TBCD: variants seen among roughly 807,000 people sequenced by gnomAD.
TBCD encodes tubulin folding cofactor D, also known as tubulin-specific chaperone D.
A neutral mutation model predicts 169.3 loss-of-function variants in TBCD; 105 were observed. The ratio of observed to expected loss-of-function variants is 0.62; its 90% CI spans 0.53 to 0.73. TBCD has a LOEUF of 0.73. Ranked by LOEUF, TBCD falls within the 30% of genes least tolerant of loss-of-function variation. TBCD has a pLI of 0.00. For synonymous variants in TBCD, 700 were observed against 643.9 expected (o/e 1.09, Z -1.32); for missense variants, 1,444 against 1,600.1 (o/e 0.90, Z 1.66).
chr17:82,812,508 C>T (rs188273625), intron 12 of TBCD, among the ~76,000 whole-genome samples: 9 of 152,322 alleles, frequency 5.9e-5, no homozygotes, highest in African/African-American at 1.4e-4. Flanking sequence ...CGCATCCCTC[C>T]GGGGACTGAT....
Position 82,884,515 on chromosome 17 carries a change from C to T in TBCD, c.1533+313C>T, listed in dbSNP as rs1054861244. On this transcript the variant is annotated intron_variant, in intron 15 of 38. Transcript: ENST00000355528. This position sits in a 1 kb window ranked among gnomAD's most constrained non-coding sequence, Gnocchi z 4.2. ...GGTGCAGGCAGCTGCACGCTGAAGA[C>T]GCAGAAGAGAGTGGGTTCTGCGAGG... 8.5e-5 allele frequency among the ~76,000 whole-genome samples: 13 copies of T among 152,118 alleles called. No individual in the cohort carries two copies. The highest frequency in any genetic ancestry group is 2.2e-4 in the African/African-American group (9 of 41,398).
At chr17:82,856,842 C>T (rs1486985182) in intron 13 of TBCD, among the ~76,000 whole-genome samples, 2 of 138,702 alleles carry the variant, frequency 1.4e-5, no homozygotes, top group African/African-American at 2.8e-5. Context: ...ACCCTCGGTG[C>T]GCATCCAGGG....
chr17:82,864,326 T>C lies in TBCD; in HGVS notation c.1319-5898T>C, dbSNP rs1473612802. ...CTGCGGGTGCCCAGCCTGTGGGGCT[T>C]CCTCATCGCCCCCATCCAGGCAGAT... On this transcript the variant is annotated intron_variant, in intron 13 of 38. Transcript: ENST00000355528. The surrounding 1 kb of genome is among the most constrained non-coding windows in gnomAD (Gnocchi z 6.3). The C allele has an allele frequency of 6.6e-6, 1 of 152,244 alleles. No individual in the cohort carries two copies. Among genetic ancestry groups the C allele is most frequent in the Non-Finnish European group, 1.5e-5 (1 of 68,048 alleles). 9.4% of individuals were successfully genotyped at this position (152,244 alleles called of 1,614,324 possible).
In TBCD at chr17:82,810,849, G is replaced by A. The variant is rs554132381; in HGVS notation, c.1223+1067G>A. 3.9e-5 allele frequency among the ~76,000 whole-genome samples: 6 copies of A among 152,300 alleles called. No homozygotes were observed. The South Asian group carries it at 6.2e-4, about 16-fold the overall frequency. ...CCTGTCAGTCACCAGGGACAGCTCCGGAGCCGTTCACAAAGCCTTGTTTTC... is the reference window on the plus strand; with the variant it reads ...CCTGTCAGTCACCAGGGACAGCTCCAGAGCCGTTCACAAAGCCTTGTTTTC... On this transcript the variant is annotated intron_variant, in intron 12 of 38. Transcript: ENST00000355528.
At chr17:82,797,682 T>C in intron 7 of TBCD, 75 bp from the exon 8 acceptor site, 1 of 1,143,546 alleles carries the variant, frequency 8.7e-7, no homozygotes, top group Non-Finnish European at 1.2e-6. Context: ...TGATGAATTG[T>C]TTTCACAATT....
intron 13 of TBCD, among the ~76,000 whole-genome samples, chr17:82,844,623 G>A (rs907779087): frequency 1.4e-4 from 21 of 152,160 alleles, no homozygotes; most frequent in Admixed American, 1.3e-4. Context: ...AGGCTCCTCC[G>A]TGGTCCTGGT....
rs373829860 is a variant in TBCD, at chr17:82,887,877, G to A, written c.1534-1791G>A. Among the ~76,000 whole-genome samples, 36 of 152,274 alleles carry A rather than the reference G, an allele frequency of 2.4e-4. No homozygotes were observed. The East Asian group carries it at 4.6e-3, about 20-fold the overall frequency. ...AGCATCTTTCACGGGCTTACTTGCC[G>A]TCTGTACCTCCTCTTTGGTGAAATG... On this transcript the variant is annotated intron_variant, in intron 15 of 38. Transcript: ENST00000355528.
intron 4 of TBCD, among the ~76,000 whole-genome samples, chr17:82,767,365 C>G (rs1033832751): frequency 6.6e-6 from 1 of 152,136 alleles, no homozygotes; most frequent in Non-Finnish European, 1.5e-5. Flanking sequence ...ATTGCAGGGA[C>G]AAATTGGGAT....
At position 82,797,702 on chromosome 17, in the gene TBCD, G is replaced by A. The variant is rs1274826715; in HGVS notation, c.772-55G>A. On this transcript the variant is annotated intron_variant, in intron 7 of 38. Coordinates refer to ENST00000355528, the MANE Select transcript of TBCD (RefSeq NM_005993.5). ...AATTGTTTTCACAATTTGTGTGTAT[G>A]TTTTAAACTTCTATTTGTATTTGTA... 6.2e-6 allele frequency: 8 copies of A among 1,291,018 alleles called. No homozygotes were observed. The African/African-American group carries it at 9.4e-5, about 15-fold the overall frequency. The allele number at this position is 1,291,018 out of a possible 1,614,324, so 80.0% of individuals were successfully genotyped here. A position where few individuals can be genotyped will look rare whatever the true frequency, so the allele number is the denominator to read the frequency against.
intron 13 of TBCD, among the ~76,000 whole-genome samples, chr17:82,848,259 C>T (rs1012681341): frequency 6.6e-6 from 1 of 152,176 alleles, no homozygotes; most frequent in Non-Finnish European, 1.5e-5. Flanking sequence ...AGAGGGAGGG[C>T]GAGCGGCTTT....
intron 7 of TBCD, among the ~76,000 whole-genome samples, chr17:82,787,226 C>G (rs141930841): frequency 6.6e-6 from 1 of 152,200 alleles, no homozygotes; most frequent in Non-Finnish European, 1.5e-5. Context: ...AGCACCCAGG[C>G]GGTTTGGCAG....
chr17:82,929,279 C>A lies in TBCD; in HGVS notation c.2852+8C>A. The A allele has an allele frequency of 1.9e-6, 3 of 1,613,164 alleles. No individual in the cohort carries two copies. The highest frequency in any genetic ancestry group is 2.5e-6 in the Non-Finnish European group (3 of 1,179,342). ...GGAAAAGCTGTTTCCCAGGTACTGT[C>A]GGGGTGTAGGCCCCCCGTGCTGGCC... On this transcript the variant is annotated splice_region_variant and intron_variant, in intron 31 of 38. Coordinates refer to ENST00000355528, the MANE Select transcript of TBCD (RefSeq NM_005993.5).
rs1026119670 is a variant in TBCD at position 82,806,554 on chromosome 17, C to T, written c.1087+543C>T. Among the ~76,000 whole-genome samples the T allele has an allele frequency of 4.6e-5, 7 of 152,236 alleles. No homozygotes were observed. The highest frequency in any genetic ancestry group is 1.9e-4 in the East Asian group (1 of 5,174). On this transcript the variant is annotated intron_variant, in intron 10 of 38. Transcript: ENST00000355528. The surrounding 1 kb of genome is among the most constrained non-coding windows in gnomAD (Gnocchi z 5.1). Reference sequence around the variant, plus strand: ...TCCACACACTGTCCTGCCCTCCTGCCGCGGTTGGATGAAGTCTTCCCTGGA... The same window carrying T: ...TCCACACACTGTCCTGCCCTCCTGCTGCGGTTGGATGAAGTCTTCCCTGGA...
chr17:82,941,037 T>G (rs1286638341), intron 37 of TBCD, among the ~76,000 whole-genome samples: 2 of 152,240 alleles, frequency 1.3e-5, no homozygotes, highest in Non-Finnish European at 2.9e-5. Context: ...CTCCACAGCA[T>G]TGCTAGAATT....
intron 13 of TBCD, among the ~76,000 whole-genome samples, chr17:82,815,846 CT>C (rs529584380): frequency 1.3e-5 from 2 of 151,906 alleles, no homozygotes; most frequent in African/African-American, 4.8e-5. Flanking sequence ...GCCTGCAGTT[CT>C]TTTTTTTAAT....
rs776765373 is a variant in TBCD at position 82,939,397 on chromosome 17, GAGACATTGCTC to G, written c.3402_3412del (p.Glu1134AspfsTer4). 6.2e-7 allele frequency: 1 copy of G among 1,613,276 alleles called. No homozygotes were observed. The highest frequency in any genetic ancestry group is 8.5e-7 in the Non-Finnish European group (1 of 1,179,814). ...GAAGACCACGGCCAGCCAGGTGTAC[GAGACATTGCTC>G]ACCTACAGTGACGTCGTGGGCGCGG... On this transcript the variant is annotated frameshift_variant, in exon 37 of 39. Transcript: ENST00000355528. LOFTEE classifies it high-confidence loss of function.
At chr17:82,912,370 T>C (rs2060708185) in intron 23 of TBCD, among the ~76,000 whole-genome samples, 1 of 152,182 alleles carries the variant, frequency 6.6e-6, no homozygotes. Flanking sequence ...TGATTCTTTT[T>C]TAGCATGTGA....
At chr17:82,940,974 T>A (rs1291569241) in intron 37 of TBCD, among the ~76,000 whole-genome samples, 2 of 152,188 alleles carry the variant, frequency 1.3e-5, no homozygotes, top group African/African-American at 4.8e-5. Context: ...AAAAAATCCT[T>A]AGAATTTAAA....
intron 13 of TBCD, among the ~76,000 whole-genome samples, chr17:82,848,413 G>A (rs1811342537): frequency 6.6e-6 from 1 of 152,198 alleles, no homozygotes; most frequent in African/African-American, 2.4e-5. Flanking sequence ...ATTCAGGTTT[G>A]TGAACTTGGG....
Sources: allele counts gnomAD v4.1 joint callset (sites outside exome capture counted in the v4.1 genomes callset), GRCh38; gene constraint gnomAD v4.1.1; non-coding constraint Gnocchi (gnomAD v3.1); transcripts MANE v1.5; gene names NCBI Gene and HGNC (gene_info 2026-07-23, HGNC 2026-07-21).